The following PSD3 variants were observed in gnomAD, a reference collection of about 807,000 sequenced individuals.
PSD3 encodes the protein PH and SEC7 domain-containing protein 3.
Under a neutral mutation model 105.5 loss-of-function variants are expected in PSD3, and 49 were observed. That is an observed-to-expected ratio of 0.46 (90% CI 0.37 to 0.59). The LOEUF (loss-of-function observed/expected upper bound fraction) is 0.59. Ranked by LOEUF, PSD3 falls within the 20% of genes least tolerant of loss-of-function variation. PSD3 has a pLI of 0.00. For synonymous variants in PSD3, 557 were observed against 457.8 expected, an observed-to-expected ratio of 1.22 and a Z score of -2.77; for missense variants, 1,561 against 1,263.8, an observed-to-expected ratio of 1.24 and a Z score of -3.57.
At chr8:18,634,407 T>G (rs954003778) in intron 10 of PSD3, among the ~76,000 whole-genome samples, 1 of 152,162 alleles carries the variant, frequency 6.6e-6, no homozygotes, top group African/African-American at 2.4e-5. Context: ...CAGCTTCTCC[T>G]AATATTAACA....
At chr8:18,788,411 G>A (rs192068612) in intron 8 of PSD3, among the ~76,000 whole-genome samples, 35 of 152,274 alleles carry the variant, frequency 2.3e-4, no homozygotes, top group African/African-American at 4.1e-4. Context: ...ATCTTTGAGC[G>A]TGCCATCCCT....
intron 10 of PSD3, among the ~76,000 whole-genome samples, chr8:18,636,242 A>G (rs915825288): frequency 9.2e-5 from 14 of 152,182 alleles, no homozygotes; most frequent in Non-Finnish European, 1.8e-4. Context: ...CTTAGGCTAT[A>G]AAGTCCCATG....
chr8:18,752,554 A>ATATAT lies in PSD3; in HGVS notation c.2172+12894_2172+12895insATATA, dbSNP rs60557005. ...ATTATATATTATATATATTATATAT[A>ATATAT]ATTATATATATTATATATATAATTA... On this transcript the variant is annotated intron_variant, in intron 9 of 15. Transcript: ENST00000327040. 9.1e-4 allele frequency among the ~76,000 whole-genome samples: 18 copies of ATATAT among 19,684 alleles called. 1 individual carries two copies. The South Asian group carries it at 0.018, about 20-fold the overall frequency. 12.9% of individuals were successfully genotyped at this position (19,684 alleles called of 152,430 possible).
At position 18,866,578 on chromosome 8, in the gene PSD3, C is replaced by G. The variant is rs1816948503; in HGVS notation, c.1634+1096G>C. Among the ~76,000 whole-genome samples, 8 of 152,294 alleles carry G rather than the reference C, an allele frequency of 5.3e-5. No individual in the cohort carries two copies. The South Asian group carries it at 1.7e-3, about 32-fold the overall frequency. ...GTTTTGACACCTTGTTCTTTTTATT[C>G]TCACTGTGACCCAGTAAGACAACCA... is the stretch of plus-strand genomic sequence containing the variant. On this transcript the variant is annotated intron_variant, in intron 4 of 15. Coordinates refer to ENST00000327040, the MANE Select transcript of PSD3 (RefSeq NM_015310.4).
At chr8:19,050,374 G>T (rs997740646) in intron 1 of PSD3, among the ~76,000 whole-genome samples, 2 of 152,092 alleles carry the variant, frequency 1.3e-5, no homozygotes, top group African/African-American at 2.4e-5. Flanking sequence ...CTGCTATAAA[G>T]ACACATGCAC....
At chr8:18,813,885 A>C (rs1365222222) in intron 4 of PSD3, among the ~76,000 whole-genome samples, 2 of 152,192 alleles carry the variant, frequency 1.3e-5, no homozygotes, top group African/African-American at 2.4e-5. Context: ...GTAAACAAAA[A>C]ACGTCTGCTC....
intron 1 of PSD3, among the ~76,000 whole-genome samples, chr8:19,050,051 T>C (rs553195392): frequency 6.6e-6 from 1 of 152,220 alleles, no homozygotes; most frequent in Non-Finnish European, 1.5e-5. Context: ...AACATGCCAA[T>C]CAACTCGTGA....
At chr8:18,910,640 A>T (rs1172137898) in intron 2 of PSD3, among the ~76,000 whole-genome samples, 9 of 115,562 alleles carry the variant, frequency 7.8e-5, no homozygotes, top group African/African-American at 2.6e-4. Context: ...AGTATAATAA[A>T]AAAAAAAAAA....
rs968090742 is a variant in PSD3, at chr8:19,083,942, C to A, written c.324+264G>T. Among the ~76,000 whole-genome samples the A allele has an allele frequency of 5.3e-5, 8 of 151,734 alleles. No individual in the cohort carries two copies. The East Asian group carries it at 1.5e-3, about 28-fold the overall frequency. ...CCCCTATAAAGTATGCCTGACTTTTCTTTTCCCATCTTTGGCAGAAATCTT... is the reference window on the plus strand; with the variant it reads ...CCCCTATAAAGTATGCCTGACTTTTATTTTCCCATCTTTGGCAGAAATCTT... On this transcript the variant is annotated intron_variant, in intron 1 of 1. Coordinates refer to the PSD3 transcript ENST00000521475.
At chr8:18,773,460 G>C (rs974934718) in intron 8 of PSD3, among the ~76,000 whole-genome samples, 80 of 151,900 alleles carry the variant, frequency 5.3e-4, no homozygotes, top group Non-Finnish European at 1.3e-4. Context: ...TGATTATTTG[G>C]GGTACCTTGA....
chr8:18,774,561 C>A, intron 8 of PSD3: 1 of 331,478 alleles, frequency 3.0e-6, no homozygotes, highest in Non-Finnish European at 5.8e-6. Context: ...GCCTAGACCT[C>A]TTACTTCTGT....
intron 1 of PSD3, among the ~76,000 whole-genome samples, chr8:19,035,514 TA>T (rs11428290): frequency 4.6e-5 from 7 of 151,080 alleles, no homozygotes; most frequent in Admixed American, 1.3e-4. Flanking sequence ...AAGGATTTGT[TA>T]AAAAAAAACA....
At position 18,707,138 on chromosome 8, in the gene PSD3, G is replaced by C. The variant is rs140793879; in HGVS notation, c.2173-51453C>G. On this transcript the variant is annotated intron_variant, in intron 9 of 15. Transcript: ENST00000327040. ...CACATCATATACTCACTCTCTCGTT[G>C]TGCTGATTTTGCATATTCTTCTCTG... Among the ~76,000 whole-genome samples the C allele has an allele frequency of 3.4e-3, 512 of 152,132 alleles. 1 individual carries two copies. The highest frequency in any genetic ancestry group is 0.012 in the African/African-American group (484 of 41,516).
intron 7 of PSD3, among the ~76,000 whole-genome samples, chr8:18,800,624 G>T (rs1005841327): frequency 2.0e-5 from 3 of 152,146 alleles, no homozygotes; most frequent in Non-Finnish European, 4.4e-5. Context: ...CTCTTCACAA[G>T]GTAGGTCCAC....
chr8:18,897,536 A>G (rs1819229848), intron 2 of PSD3, among the ~76,000 whole-genome samples: 1 of 152,162 alleles, frequency 6.6e-6, no homozygotes, highest in Admixed American at 6.5e-5. Flanking sequence ...TATTTCTGTG[A>G]TGAATGACAC....
In PSD3 at chr8:18,725,661, A is replaced by G. The variant is rs150518147; in HGVS notation, c.2172+39788T>C. On this transcript the variant is annotated intron_variant, in intron 9 of 15. Coordinates refer to ENST00000327040, the MANE Select transcript of PSD3 (RefSeq NM_015310.4). ...AGAAGACCCACTGAAAGGAACTTTTATTTTTCCTTTTTGTTTTATTATTAT... is the reference window on the plus strand; with the variant it reads ...AGAAGACCCACTGAAAGGAACTTTTGTTTTTCCTTTTTGTTTTATTATTAT... Among the ~76,000 whole-genome samples the G allele has an allele frequency of 3.3e-5, 5 of 152,210 alleles. No individual in the cohort carries two copies. In the East Asian group the frequency reaches 9.7e-4, roughly 29 times the overall value.
chr8:18,853,938 A>G (rs1815792106), intron 4 of PSD3, among the ~76,000 whole-genome samples: 1 of 152,158 alleles, frequency 6.6e-6, no homozygotes. Flanking sequence ...TTAGAAATTA[A>G]CATATGATCA....
At chr8:19,068,604 T>A (rs963173494) in intron 1 of PSD3, among the ~76,000 whole-genome samples, 1 of 152,130 alleles carries the variant, frequency 6.6e-6, no homozygotes, top group Non-Finnish European at 1.5e-5. Flanking sequence ...TCTTCCCTTT[T>A]GATAGCAAGG....
At chr8:19,014,451 C>T (rs1827109343), upstream of PSD3, 1 of 152,442 alleles carries the variant, frequency 6.6e-6, no homozygotes, top group Admixed American at 6.5e-5. The surrounding 1 kb of genome is among the most constrained non-coding windows in gnomAD (Gnocchi z 4.9). Context: ...CCCGGACCCG[C>T]ACCTTTTTTC....
Sources: allele counts gnomAD v4.1 joint callset (sites outside exome capture counted in the v4.1 genomes callset), GRCh38; gene constraint gnomAD v4.1.1; non-coding constraint Gnocchi (gnomAD v3.1); transcripts MANE v1.5; gene names NCBI Gene and HGNC (gene_info 2026-07-23, HGNC 2026-07-21).